The following FAM110B variants were observed in gnomAD, a reference collection of about 807,000 sequenced individuals.
The protein encoded by FAM110B is protein FAM110B.
A neutral mutation model predicts 20.4 loss-of-function variants in FAM110B; 6 were observed. The ratio of observed to expected loss-of-function variants is 0.29; its 90% CI spans 0.16 to 0.58. FAM110B has a LOEUF of 0.58. FAM110B is among the 20% of genes least tolerant of loss of function. The pLI is 0.90. For synonymous variants in FAM110B, 226 were observed against 214.1 expected, an observed-to-expected ratio of 1.06 and a Z score of -0.49; for missense variants, 434 against 498.2, an observed-to-expected ratio of 0.87 and a Z score of 1.23.
intron 1 of FAM110B, among the ~76,000 whole-genome samples, chr8:58,006,914 T>TATATATATATATATATATATAC: frequency 9.3e-6 from 1 of 107,256 alleles, no homozygotes; most frequent in Non-Finnish European, 1.9e-5. Flanking sequence ...TATATATATA[T>TATATATATATATATATATATAC]ATATATATAT....
intron 3 of FAM110B, chr8:58,113,772 T>C (rs983099758): frequency 6.6e-6 from 1 of 152,236 alleles, no homozygotes; most frequent in South Asian, 2.1e-4. Context: ...CTGGAAATGA[T>C]TCATTAATAA....
intron 1 of FAM110B, among the ~76,000 whole-genome samples, chr8:57,995,443 A>G (rs1338264532): frequency 1.3e-5 from 2 of 152,172 alleles, no homozygotes; most frequent in African/African-American, 4.8e-5. Context: ...GAAAGCATAC[A>G]GATTTGAAAT....
intron 2 of FAM110B, among the ~76,000 whole-genome samples, chr8:58,072,187 T>C (rs1370235844): frequency 6.6e-6 from 1 of 152,202 alleles, no homozygotes; most frequent in Admixed American, 6.5e-5. Flanking sequence ...TCTTAAATAA[T>C]TTCCAAGAAG....
At chr8:58,007,511 C>T (rs1274732779) in intron 1 of FAM110B, among the ~76,000 whole-genome samples, 2 of 152,138 alleles carry the variant, frequency 1.3e-5, no homozygotes, top group African/African-American at 2.4e-5. Flanking sequence ...TTGTGGTTCC[C>T]CAGAATTCAT....
Position 58,086,694 on chromosome 8 carries a change from A to G in FAM110B, c.-325+11071A>G, listed in dbSNP as rs112805920. ...GTGCAATATTGCTCTCATATGTAAA[A>G]TACTCTACAAACTGCCACCTTTGCA... On this transcript the variant is annotated intron_variant, in intron 3 of 3. Coordinates refer to ENST00000519262, the MANE Select transcript of FAM110B (RefSeq NM_001377989.1). Among the ~76,000 whole-genome samples, 425 of 152,294 alleles carry G rather than the reference A, an allele frequency of 2.8e-3. 1 individual carries two copies. Among genetic ancestry groups the G allele is most frequent in the African/African-American group, 9.8e-3 (406 of 41,562 alleles).
chr8:58,013,332 C>T (rs1804577416), intron 1 of FAM110B, among the ~76,000 whole-genome samples: 1 of 152,116 alleles, frequency 6.6e-6, no homozygotes, highest in Non-Finnish European at 1.5e-5. Context: ...GTCCCCATGG[C>T]GGTCTTTGGG....
intron 2 of FAM110B, among the ~76,000 whole-genome samples, chr8:58,069,518 T>G (rs2150589555): frequency 6.6e-6 from 1 of 152,338 alleles, no homozygotes; most frequent in Admixed American, 6.5e-5. Flanking sequence ...AGTTTGGCCG[T>G]TCAGTTGTGT....
chr8:58,110,147 A>AT (rs1807025508), intron 3 of FAM110B, among the ~76,000 whole-genome samples: 1 of 152,164 alleles, frequency 6.6e-6, no homozygotes, highest in South Asian at 2.1e-4. Flanking sequence ...TTTAGTATTC[A>AT]TTTTTTATAT....
intron 2 of FAM110B, among the ~76,000 whole-genome samples, chr8:58,068,675 C>T (rs1449923092): frequency 6.6e-6 from 1 of 151,138 alleles, no homozygotes; most frequent in African/African-American, 2.4e-5. Flanking sequence ...ACTGGTAGAA[C>T]ATACCCACTT....
At chr8:58,120,728 T>G (rs777994254) in intron 3 of FAM110B, among the ~76,000 whole-genome samples, 40 of 152,196 alleles carry the variant, frequency 2.6e-4, no homozygotes, top group Non-Finnish European at 4.7e-4. Flanking sequence ...AAAGATTCCC[T>G]CATTTAAAGT....
chr8:58,083,322 CA>C (rs1442750940), intron 3 of FAM110B, among the ~76,000 whole-genome samples: 2 of 152,110 alleles, frequency 1.3e-5, no homozygotes, highest in Non-Finnish European at 2.9e-5. Flanking sequence ...TGTAGTTGAA[CA>C]TTATGGTGCA....
At position 58,147,343 on chromosome 8, in the gene FAM110B, A is replaced by AGGAG; in HGVS notation, c.*1_*2insGAGG. ...AGTCACAGAAGGTCTCCCATGTGTA[A>AGGAG]GACAGTGCGTGGAAAGGAGGGAGCG... On this transcript the variant is annotated 3_prime_UTR_variant, in exon 4 of 4. Transcript: ENST00000519262. 1 of 1,611,332 alleles carries AGGAG rather than the reference A, an allele frequency of 6.2e-7. No individual in the cohort carries two copies. Among genetic ancestry groups the AGGAG allele is most frequent in the Non-Finnish European group, 8.5e-7 (1 of 1,178,242 alleles).
At chr8:58,121,062 G>A (rs73682158) in intron 3 of FAM110B, among the ~76,000 whole-genome samples, 1 of 152,208 alleles carries the variant, frequency 6.6e-6, no homozygotes, top group Non-Finnish European at 1.5e-5. Flanking sequence ...CTCAGTTCCA[G>A]TGCAGGAGAC....
At chr8:58,118,847 T>C (rs1281796438) in intron 3 of FAM110B, among the ~76,000 whole-genome samples, 1 of 152,230 alleles carries the variant, frequency 6.6e-6, no homozygotes, top group Non-Finnish European at 1.5e-5. Context: ...GCAGTCCTCA[T>C]AATGATAAGT....
intron 3 of FAM110B, among the ~76,000 whole-genome samples, chr8:58,080,844 G>A (rs891149414): frequency 8.5e-5 from 13 of 152,184 alleles, no homozygotes. Flanking sequence ...GCTTCACAGA[G>A]CACTGGCCCT....
chr8:58,136,800 C>T lies in FAM110B; in HGVS notation c.-324-9107C>T, dbSNP rs538346187. On this transcript the variant is annotated intron_variant, in intron 3 of 3. Transcript: ENST00000519262. ...TTCATTGTAGTTGTCTTAAATAGGA[C>T]GAAAACATTTTAAAAGAAACTTCTA... 7.9e-5 allele frequency among the ~76,000 whole-genome samples: 12 copies of T among 152,156 alleles called. 1 individual carries two copies. Among genetic ancestry groups the T allele is most frequent in the South Asian group, 2.1e-4 (1 of 4,816 alleles).
At chr8:58,126,173 C>T (rs1317527207) in intron 3 of FAM110B, among the ~76,000 whole-genome samples, 1 of 152,190 alleles carries the variant, frequency 6.6e-6, no homozygotes, top group Non-Finnish European at 1.5e-5. Flanking sequence ...GTGACATTGG[C>T]TTTTTTTCAT....
chr8:58,124,652 T>TGGCTAGCATC (rs1361448879), intron 3 of FAM110B, among the ~76,000 whole-genome samples: 2 of 152,186 alleles, frequency 1.3e-5, no homozygotes, highest in Non-Finnish European at 2.9e-5. Flanking sequence ...AGCCACCCTG[T>TGGCTAGCATC]TTGCATCACT....
At chr8:58,045,056 T>A (rs1805292737) in intron 2 of FAM110B, among the ~76,000 whole-genome samples, 1 of 152,208 alleles carries the variant, frequency 6.6e-6, no homozygotes, top group Admixed American at 6.5e-5. Flanking sequence ...TAAAAATTAG[T>A]GGAGTGGAAT....
Sources: gnomAD v4.1 joint callset for allele counts (sites outside exome capture counted in the v4.1 genomes callset) on GRCh38, gnomAD v4.1.1 for gene constraint, MANE v1.5 for transcripts, NCBI Gene and HGNC (gene_info 2026-07-23, HGNC 2026-07-21) for gene names.